Variants in CHRM3 observed in about 807,000 individuals in gnomAD.
CHRM3 encodes the protein cholinergic receptor muscarinic 3.
CHRM3 carries 11 observed loss-of-function variants against 41.8 expected under a neutral mutation model. The ratio of observed to expected loss-of-function variants is 0.26; its 90% CI spans 0.17 to 0.44. CHRM3 has a LOEUF of 0.44. Ranked by LOEUF, CHRM3 falls within the 20% of genes least tolerant of loss-of-function variation. The pLI is 1.00. For missense variants in CHRM3, 571 were observed against 745.4 expected (o/e 0.77, Z 2.72); for synonymous variants, 297 against 301.4 (o/e 0.99, Z 0.15).
intron 2 of CHRM3, among the ~76,000 whole-genome samples, chr1:239,505,363 T>C (rs1668501416): frequency 6.6e-6 from 1 of 152,032 alleles, no homozygotes; most frequent in South Asian, 2.1e-4. Flanking sequence ...CCACATGTTG[T>C]GAGGGGGACC....
At chr1:239,620,487 T>C (rs1668236384) in intron 3 of CHRM3, among the ~76,000 whole-genome samples, 1 of 151,894 alleles carries the variant, frequency 6.6e-6, no homozygotes, top group Non-Finnish European at 1.5e-5. Flanking sequence ...GGTAGATAGA[T>C]AAGAGATAGA....
intron 2 of CHRM3, among the ~76,000 whole-genome samples, chr1:239,499,619 G>T (rs535344462): frequency 6.6e-6 from 1 of 152,092 alleles, no homozygotes; most frequent in Non-Finnish European, 1.5e-5. Flanking sequence ...CCACCAACAC[G>T]ACCATCAGGA....
At chr1:239,447,892 T>C (rs1449951751) in intron 1 of CHRM3, among the ~76,000 whole-genome samples, 2 of 152,220 alleles carry the variant, frequency 1.3e-5, no homozygotes, top group Non-Finnish European at 2.9e-5. Flanking sequence ...CCTTTTAATA[T>C]CTTCTTGTTT....
chr1:239,426,606 G>C lies in CHRM3; in HGVS notation c.-521+39379G>C, dbSNP rs548196159. Among the ~76,000 whole-genome samples the C allele has an allele frequency of 3.9e-5, 6 of 152,108 alleles. No homozygotes were observed. The South Asian group carries it at 1.2e-3, about 32-fold the overall frequency. On this transcript the variant is annotated intron_variant, in intron 1 of 6. Coordinates refer to ENST00000676153, the MANE Select transcript of CHRM3 (RefSeq NM_001375978.1). ...TGAAGTGACAGAGAGCTATTTGTTA[G>C]ACCTATGAAAAAAAGTGGAATTCTG...
chr1:239,909,230 G>C lies in CHRM3; in HGVS notation c.*6G>C, dbSNP rs949821162. On this transcript the variant is annotated 3_prime_UTR_variant, in exon 7 of 7. Coordinates refer to ENST00000676153, the MANE Select transcript of CHRM3 (RefSeq NM_001375978.1). ...CACCCGAGCAGGCCTTGTAGAATGA[G>C]GTTGTATCAATAGCAGTGACAAAAC... 6.3e-7 allele frequency: 1 copy of C among 1,593,142 alleles called. No individual in the cohort carries two copies. The highest frequency in any genetic ancestry group is 1.2e-5 in the South Asian group (1 of 86,500).
intron 1 of CHRM3, among the ~76,000 whole-genome samples, chr1:239,470,302 G>T (rs918317971): frequency 1.3e-5 from 2 of 152,094 alleles, no homozygotes; most frequent in African/African-American, 4.8e-5. Flanking sequence ...CTCTCCCTGA[G>T]AACTCCAGAA....
chr1:239,544,118 T>A (rs577899457), intron 2 of CHRM3, among the ~76,000 whole-genome samples: 1 of 152,336 alleles, frequency 6.6e-6, no homozygotes, highest in African/African-American at 2.4e-5. Flanking sequence ...CTGGAAAGAT[T>A]GCTGTGATGC....
chr1:239,397,758 T>C (rs978977025), intron 1 of CHRM3, among the ~76,000 whole-genome samples: 2 of 147,676 alleles, frequency 1.4e-5, no homozygotes, highest in African/African-American at 4.9e-5. Flanking sequence ...TATATATATT[T>C]CTATATATAT....
chr1:239,601,695 A>C, intron 3 of CHRM3, among the ~76,000 whole-genome samples: 1 of 152,204 alleles, frequency 6.6e-6, no homozygotes, highest in East Asian at 1.9e-4. Flanking sequence ...TAAAATATCC[A>C]ATATAATAAG....
At chr1:239,718,528 C>A (rs1343456858) in intron 5 of CHRM3, among the ~76,000 whole-genome samples, 2 of 151,908 alleles carry the variant, frequency 1.3e-5, no homozygotes, top group Admixed American at 1.3e-4. Flanking sequence ...CCACCTGGTA[C>A]ATGGAGTTTT....
At chr1:239,481,134 C>A (rs1433240459) in intron 1 of CHRM3, among the ~76,000 whole-genome samples, 1 of 152,066 alleles carries the variant, frequency 6.6e-6, no homozygotes, top group African/African-American at 2.4e-5. Context: ...TGACCTGGAA[C>A]AATATTCATG....
intron 3 of CHRM3, among the ~76,000 whole-genome samples, chr1:239,562,104 A>T (rs549379042): frequency 8.9e-4 from 135 of 152,156 alleles, no homozygotes; most frequent in Non-Finnish European, 1.7e-3. Flanking sequence ...GGCATCTACT[A>T]ATGAGGCTAA....
chr1:239,507,142 T>C (rs999761173), intron 2 of CHRM3, among the ~76,000 whole-genome samples: 2 of 152,138 alleles, frequency 1.3e-5, no homozygotes, highest in East Asian at 1.9e-4. Flanking sequence ...GTTAAGACTT[T>C]GGGGGACTGT....
chr1:239,656,035 T>C (rs1454178805), intron 4 of CHRM3, among the ~76,000 whole-genome samples: 1 of 152,042 alleles, frequency 6.6e-6, no homozygotes, highest in South Asian at 2.1e-4. Context: ...TTATCCTAAG[T>C]GAATTAATGC....
At chr1:239,691,199 G>A (rs1659683047) in intron 5 of CHRM3, among the ~76,000 whole-genome samples, 1 of 152,004 alleles carries the variant, frequency 6.6e-6, no homozygotes, top group South Asian at 2.1e-4. Flanking sequence ...GGCTTCAAGG[G>A]CAAATTTAAG....
chr1:239,707,534 C>T (rs1661315788), intron 5 of CHRM3: 1 of 152,076 alleles, frequency 6.6e-6, no homozygotes, highest in African/African-American at 2.4e-5. Context: ...GTGAATATAC[C>T]AGTGTTTGTT....
intron 1 of CHRM3, among the ~76,000 whole-genome samples, chr1:239,465,236 C>T (rs1030574492): frequency 1.3e-5 from 2 of 152,088 alleles, no homozygotes; most frequent in Admixed American, 6.5e-5. Flanking sequence ...AGCTTATTCT[C>T]TGTGCTCTCT....
intron 5 of CHRM3, among the ~76,000 whole-genome samples, chr1:239,803,756 T>G (rs1558136109): frequency 6.6e-6 from 1 of 152,252 alleles, no homozygotes; most frequent in East Asian, 1.9e-4. Flanking sequence ...TCAAGTCAAA[T>G]GATGCAGGCA....
intron 5 of CHRM3, among the ~76,000 whole-genome samples, chr1:239,754,610 A>C (rs1666092992): frequency 6.6e-6 from 1 of 152,198 alleles, no homozygotes; most frequent in Non-Finnish European, 1.5e-5. Flanking sequence ...AAGGTCTGGG[A>C]GATATCAAGT....
Sources: gnomAD v4.1 joint callset for allele counts (sites outside exome capture counted in the v4.1 genomes callset) on GRCh38, gnomAD v4.1.1 for gene constraint, MANE v1.5 for transcripts, NCBI Gene and HGNC (gene_info 2026-07-23, HGNC 2026-07-21) for gene names.